RANBP17: variants seen among roughly 807,000 people sequenced by gnomAD.
The protein encoded by RANBP17 is ran-binding protein 17.
Under a neutral mutation model 141.2 loss-of-function variants are expected in RANBP17, and 158 were observed. That is an observed-to-expected ratio of 1.12 (90% CI 0.98 to 1.28). RANBP17 has a LOEUF of 1.28. Among genes scored for constraint, RANBP17 ranks in the 50% most tolerant of loss-of-function variants. The pLI is 0.00. For missense variants in RANBP17, 1,438 were observed against 1,290.7 expected, an observed-to-expected ratio of 1.11 and a Z score of -1.75; for synonymous variants, 430 against 450.0, an observed-to-expected ratio of 0.96 and a Z score of 0.56.
intron 22 of RANBP17, among the ~76,000 whole-genome samples, chr5:171,230,855 A>G (rs891282838): frequency 2.0e-5 from 3 of 152,076 alleles, no homozygotes; most frequent in African/African-American, 7.2e-5. Context: ...TTTTTGAGAA[A>G]CCACTTTGAT....
intron 14 of RANBP17, among the ~76,000 whole-genome samples, chr5:171,111,930 G>A (rs1367532728): frequency 2.0e-5 from 3 of 152,096 alleles, no homozygotes; most frequent in African/African-American, 7.2e-5. Flanking sequence ...CAGAAAAATG[G>A]CAGACACCCA....
intron 25 of RANBP17, among the ~76,000 whole-genome samples, chr5:171,272,312 A>G (rs1437022756): frequency 1.3e-5 from 2 of 152,206 alleles, no homozygotes; most frequent in East Asian, 1.9e-4. Context: ...TACCTATATA[A>G]CAAACCTGTA....
intron 12 of RANBP17, among the ~76,000 whole-genome samples, chr5:170,936,595 G>A (rs1025234864): frequency 2.6e-5 from 4 of 152,016 alleles, no homozygotes; most frequent in Non-Finnish European, 4.4e-5. Flanking sequence ...GTATCATTTT[G>A]TGTGATTTCA....
At chr5:171,140,173 T>C (rs1757593340) in intron 14 of RANBP17, among the ~76,000 whole-genome samples, 1 of 152,232 alleles carries the variant, frequency 6.6e-6, no homozygotes, top group African/African-American at 2.4e-5. Context: ...TCTTTTTCTA[T>C]ACTTTCACAG....
chr5:171,037,476 C>A (rs543485390), intron 14 of RANBP17, among the ~76,000 whole-genome samples: 1 of 152,112 alleles, frequency 6.6e-6, no homozygotes, highest in Non-Finnish European at 1.5e-5. Context: ...GTTTCTGTTA[C>A]AATTGCTTAT....
intron 18 of RANBP17, among the ~76,000 whole-genome samples, chr5:171,188,674 C>G (rs1468370126): frequency 6.6e-6 from 1 of 152,204 alleles, no homozygotes; most frequent in African/African-American, 2.4e-5. Flanking sequence ...CTCACATTTT[C>G]AGAACCTGGA....
chr5:171,287,377 C>T (rs2128041287), intron 25 of RANBP17, among the ~76,000 whole-genome samples: 1 of 151,906 alleles, frequency 6.6e-6, no homozygotes, highest in South Asian at 2.1e-4. Flanking sequence ...ATAGCCCCAG[C>T]TGTTTGGGAG....
intron 14 of RANBP17, among the ~76,000 whole-genome samples, chr5:170,995,586 A>G (rs531753982): frequency 6.6e-6 from 1 of 152,264 alleles, no homozygotes; most frequent in South Asian, 2.1e-4. Context: ...GATATTTGAT[A>G]GAGTCGATGG....
At chr5:170,977,415 A>G (rs879818779) in intron 14 of RANBP17, among the ~76,000 whole-genome samples, 34 of 152,084 alleles carry the variant, frequency 2.2e-4, no homozygotes, top group Admixed American at 3.9e-4. Flanking sequence ...AAATATTGCA[A>G]CCAATTTGAA....
intron 16 of RANBP17, among the ~76,000 whole-genome samples, chr5:171,174,751 A>AGTGT (rs57948503): frequency 0.27 from 36,811 of 135,428 alleles, 4,946 homozygotes; most frequent in Non-Finnish European, 0.3. Context: ...AAATATCTAG[A>AGTGT]GTGTGTGTGT....
chr5:171,292,862 A>G (rs1561835065), intron 25 of RANBP17, among the ~76,000 whole-genome samples: 2 of 152,152 alleles, frequency 1.3e-5, no homozygotes, highest in African/African-American at 2.4e-5. Flanking sequence ...AAATCAGAGC[A>G]TGTCTCATCT....
At chr5:170,977,542 C>T (rs1777469679) in intron 14 of RANBP17, among the ~76,000 whole-genome samples, 2 of 151,956 alleles carry the variant, frequency 1.3e-5, no homozygotes, top group South Asian at 4.1e-4. Context: ...CATTTGCACA[C>T]ATGTTCACAG....
At chr5:171,089,544 G>C (rs991763699) in intron 14 of RANBP17, among the ~76,000 whole-genome samples, 1 of 151,942 alleles carries the variant, frequency 6.6e-6, no homozygotes, top group African/African-American at 2.4e-5. Context: ...AATGGCGGGC[G>C]CCCCTCCCCC....
At chr5:170,969,520 C>T (rs907633322) in intron 14 of RANBP17, among the ~76,000 whole-genome samples, 7 of 151,864 alleles carry the variant, frequency 4.6e-5, no homozygotes, top group African/African-American at 1.7e-4. Flanking sequence ...GATAAATTTT[C>T]TTGTTTAATA....
chr5:170,926,975 A>G (rs913600529), intron 12 of RANBP17, among the ~76,000 whole-genome samples: 6 of 152,090 alleles, frequency 3.9e-5, no homozygotes, highest in East Asian at 3.9e-4. Context: ...TACATACGTA[A>G]TATTTTACTT....
intron 25 of RANBP17, among the ~76,000 whole-genome samples, chr5:171,283,300 T>C (rs1267593533): frequency 6.6e-6 from 1 of 152,216 alleles, no homozygotes; most frequent in Non-Finnish European, 1.5e-5. Flanking sequence ...CTGTGACTTG[T>C]TCATCTGTAT....
At chr5:171,075,966 T>TA (rs141099789) in intron 14 of RANBP17, among the ~76,000 whole-genome samples, 4,079 of 151,882 alleles carry the variant, frequency 0.027, 178 homozygotes, top group African/African-American at 0.092. Context: ...AAGAAAAAAT[T>TA]AAAAAAACAC....
chr5:171,021,744 T>C (rs1242257791), intron 14 of RANBP17, among the ~76,000 whole-genome samples: 1 of 152,202 alleles, frequency 6.6e-6, no homozygotes, highest in Non-Finnish European at 1.5e-5. Context: ...TAGTTTTCTG[T>C]TACCCATCTT....
intron 21 of RANBP17, among the ~76,000 whole-genome samples, chr5:171,214,595 T>G (rs1763102941): frequency 6.6e-6 from 1 of 152,176 alleles, no homozygotes; most frequent in African/African-American, 2.4e-5. Context: ...TTCACAGCAA[T>G]AATTTAAAGT....
Sources: gnomAD v4.1 joint callset for allele counts (sites outside exome capture counted in the v4.1 genomes callset) on GRCh38, gnomAD v4.1.1 for gene constraint, MANE v1.5 for transcripts, NCBI Gene and HGNC (gene_info 2026-07-23, HGNC 2026-07-21) for gene names.